The following AP1G1 variants were observed in gnomAD, a reference collection of about 807,000 sequenced individuals.
AP1G1 encodes the protein adaptor related protein complex 1 subunit gamma 1, also known as AP-1 complex subunit gamma-1.
In AP1G1, 7 loss-of-function variants were observed where a neutral mutation model predicts 108.3. The ratio of observed to expected loss-of-function variants is 0.06; its 90% CI spans 0.04 to 0.12. The LOEUF (loss-of-function observed/expected upper bound fraction) is 0.12, where lower values mean the gene tolerates loss of function less well. Among genes scored for constraint, AP1G1 ranks in the 10% least tolerant of loss-of-function variants. The pLI is 1.00. For missense variants in AP1G1, 756 were observed against 1,010.7 expected (o/e 0.75, Z 3.42); for synonymous variants, 379 against 353.5 (o/e 1.07, Z -0.81).
intron 1 of AP1G1, among the ~76,000 whole-genome samples, chr16:71,793,771 G>A (rs2032485481): frequency 6.7e-6 from 1 of 149,918 alleles, no homozygotes; most frequent in African/African-American, 2.5e-5. Context: ...TGCAATCTCT[G>A]CCTCCTTGGC....
intron 2 of AP1G1, among the ~76,000 whole-genome samples, chr16:71,783,214 T>G (rs1302198758): frequency 6.6e-6 from 1 of 152,076 alleles, no homozygotes. Context: ...TTTGCAATAA[T>G]GTACTACCTG....
chr16:71,738,719 CT>C (rs1728825837), intron 21 of AP1G1, among the ~76,000 whole-genome samples: 1 of 152,166 alleles, frequency 6.6e-6, no homozygotes. Flanking sequence ...AATTGTTTTT[CT>C]TTATCCTACA....
At chr16:71,799,857 C>A (rs1353655974) in intron 1 of AP1G1, among the ~76,000 whole-genome samples, 3 of 151,136 alleles carry the variant, frequency 2.0e-5, no homozygotes, top group African/African-American at 7.3e-5. Context: ...CGAGACTGCG[C>A]CACTGCACTC....
At chr16:71,770,391 A>T (rs1289327287) in intron 5 of AP1G1, among the ~76,000 whole-genome samples, 1 of 152,258 alleles carries the variant, frequency 6.6e-6, no homozygotes. Context: ...TTGAGAAAAG[A>T]ACAGTCACAT....
chr16:71,751,593 A>C (rs776043903), intron 13 of AP1G1, among the ~76,000 whole-genome samples: 7 of 152,178 alleles, frequency 4.6e-5, no homozygotes, highest in Non-Finnish European at 8.8e-5. Context: ...GCTAAAAAGC[A>C]GGTAATTTGC....
At chr16:71,791,120 C>CT (rs1440158838) in intron 1 of AP1G1, among the ~76,000 whole-genome samples, 1 of 151,578 alleles carries the variant, frequency 6.6e-6, no homozygotes, top group Non-Finnish European at 1.5e-5. Context: ...ACTTGGGATA[C>CT]TGAGGGAGGA....
Position 71,808,788 on chromosome 16 carries a change from G to C in AP1G1, c.-29C>G, listed in dbSNP as rs1352514261. On this transcript the variant is annotated 5_prime_UTR_variant, in exon 1 of 23. Coordinates refer to ENST00000299980, the MANE Select transcript of AP1G1 (RefSeq NM_001128.6). The stretch of plus-strand genomic sequence containing the variant: ...CGGCCCGAAACCTCGAATGAAACCA[G>C]CAGCTCCGGGGGCGGCGGCAGCAGT... The C allele has an allele frequency of 1.6e-6, 2 of 1,289,722 alleles. No individual in the cohort carries two copies. The highest frequency in any genetic ancestry group is 2.5e-5 in the South Asian group (2 of 81,020). The allele number at this position is 1,289,722 out of a possible 1,614,324, so 79.9% of individuals were successfully genotyped here.
At chr16:71,747,538 T>C (rs1179246923) in intron 16 of AP1G1, 5 of 151,976 alleles carry the variant, frequency 3.3e-5, no homozygotes, top group Non-Finnish European at 5.9e-5. Flanking sequence ...CGAGATTGTA[T>C]GCCACTGCAC....
chr16:71,735,366 A>C (rs2045520609), intron 21 of AP1G1, among the ~76,000 whole-genome samples: 1 of 152,178 alleles, frequency 6.6e-6, no homozygotes, highest in African/African-American at 2.4e-5. Flanking sequence ...TTATAGAAAT[A>C]AGAGTTGAAA....
At chr16:71,792,705 AT>A (rs2145533958) in intron 1 of AP1G1, among the ~76,000 whole-genome samples, 1 of 152,188 alleles carries the variant, frequency 6.6e-6, no homozygotes, top group South Asian at 2.1e-4. Context: ...GATACAAAAA[AT>A]AGCCAGGCGT....
chr16:71,750,952 C>T (rs780881843), intron 13 of AP1G1, among the ~76,000 whole-genome samples: 8 of 151,106 alleles, frequency 5.3e-5, no homozygotes, highest in South Asian at 4.2e-4. Flanking sequence ...GTCAGGAGAT[C>T]GAGACCATCC....
intron 19 of AP1G1, among the ~76,000 whole-genome samples, chr16:71,741,605 CAT>C (rs1312367150): frequency 6.6e-6 from 1 of 152,002 alleles, no homozygotes. Context: ...AAGTAAATGA[CAT>C]ATTAAAAATT....
At chr16:71,761,290 A>C (rs1172767413) in intron 10 of AP1G1, among the ~76,000 whole-genome samples, 1 of 152,184 alleles carries the variant, frequency 6.6e-6, no homozygotes, top group Non-Finnish European at 1.5e-5. Flanking sequence ...TTTACAGAAA[A>C]ATTTTGCTGA....
chr16:71,743,174 GC>G (rs1412516709), intron 19 of AP1G1: 1 of 152,040 alleles, frequency 6.6e-6, no homozygotes, highest in East Asian at 1.9e-4. Flanking sequence ...ATCCAGTACA[GC>G]TTTGACATTT....
At chr16:71,795,524 TTC>T (rs2032554409) in intron 1 of AP1G1, among the ~76,000 whole-genome samples, 1 of 152,180 alleles carries the variant, frequency 6.6e-6, no homozygotes, top group Non-Finnish European at 1.5e-5. Context: ...TTACCATGCT[TTC>T]CCTCTTGCAT....
At chr16:71,734,795 T>C in intron 21 of AP1G1, 88 bp from the exon 22 acceptor site, 1 of 1,045,334 alleles carries the variant, frequency 9.6e-7, no homozygotes, top group Non-Finnish European at 1.5e-6. Flanking sequence ...ACCCAGATGA[T>C]GGGTCAAGCA....
chr16:71,753,631 T>A lies in AP1G1; in HGVS notation c.1284+202A>T, dbSNP rs1371062873. 3 of 575,082 alleles carry A rather than the reference T, an allele frequency of 5.2e-6. No individual in the cohort carries two copies. The African/African-American group carries it at 5.7e-5, about 11-fold the overall frequency. 35.6% of individuals were successfully genotyped at this position (575,082 alleles called of 1,614,324 possible). ...CTCTAATCTAAAACACTTGGCCAGT[T>A]GCCCTATATCCCACCTTATCCTGCC... is the stretch of plus-strand genomic sequence containing the variant. On this transcript the variant is annotated intron_variant, in intron 13 of 22. Coordinates refer to ENST00000299980, the MANE Select transcript of AP1G1 (RefSeq NM_001128.6).
In AP1G1 at chr16:71,769,633, T is replaced by A. The variant is rs768427299; in HGVS notation, c.632A>T (p.His211Leu). Residue 211 changes from histidine (H) to leucine (L), a missense_variant, in exon 6 of 23, where the codon CAT (histidine) becomes CTT (leucine). His to Leu is a moderately conservative substitution (Grantham distance 99). This residue lies in a region of AP1G1 where 304 missense variants were observed against 483.6 expected (regional missense o/e 0.63). Transcript: ENST00000299980. ...MCERSPDMLA[H>L]FRKLVPQLVR... ...CAGAATGGCACCTACCTTTCTGAAA[T>A]GCGCAAGCATGTCTGGGCTTCGCTC... The A allele has an allele frequency of 6.2e-7, 1 of 1,613,324 alleles. No homozygotes were observed. The highest frequency in any genetic ancestry group is 2.2e-5 in the East Asian group (1 of 44,846).
chr16:71,750,159 G>A, intron 14 of AP1G1, 51 bp downstream of exon 14: 1 of 1,598,310 alleles, frequency 6.3e-7, no homozygotes, highest in Non-Finnish European at 8.5e-7. Flanking sequence ...AAACATACCA[G>A]AAAAATTGAG....
Sources: allele counts gnomAD v4.1 joint callset (sites outside exome capture counted in the v4.1 genomes callset), GRCh38; gene constraint gnomAD v4.1.1; regional missense constraint gnomAD v4.1.1; transcripts MANE v1.5; gene names NCBI Gene and HGNC (gene_info 2026-07-23, HGNC 2026-07-21).